EPS8L3: variants seen among roughly 807,000 people sequenced by gnomAD.
EPS8L3 encodes EPS8 signaling adaptor L3.
Under a neutral mutation model 88.5 loss-of-function variants are expected in EPS8L3, and 80 were observed. The observed-to-expected ratio is 0.90, with a 90% confidence interval of 0.75 to 1.09. The LOEUF (loss-of-function observed/expected upper bound fraction) is 1.09. Ranked by LOEUF, EPS8L3 falls within the 50% of genes least tolerant of loss-of-function variation. EPS8L3 has a pLI of 0.00. For missense variants in EPS8L3, 721 were observed against 735.2 expected (o/e 0.98, Z 0.22); for synonymous variants, 286 against 291.0 (o/e 0.98, Z 0.18).
At chr1:109,761,595 A>G in intron 2 of EPS8L3, 36 bp from the exon 3 acceptor site, 2 of 1,612,244 alleles carry the variant, frequency 1.2e-6, no homozygotes, top group East Asian at 4.5e-5. Context: ...GGAGGTGGGC[A>G]GAAGAACGAG....
At chr1:109,762,624 GTACT>G (rs10554504) in intron 1 of EPS8L3, among the ~76,000 whole-genome samples, 30,715 of 152,050 alleles carry the variant, frequency 0.2, 3,555 homozygotes, top group Non-Finnish European at 0.26. Flanking sequence ...CCGTCCACTT[GTACT>G]TACTTGGCGC....
rs1369239544 is a variant in EPS8L3, at chr1:109,761,760, C to T, written c.-11G>A. ...GCTGGGCCTTGACATGTTGACGCTG[C>T]TGAGGACGGCTCCCTAGAACCCAAA... is the stretch of plus-strand genomic sequence containing the variant. On this transcript the variant is annotated 5_prime_UTR_variant, in exon 2 of 19. Transcript: ENST00000361965. 1 of 1,613,874 alleles carries T rather than the reference C, an allele frequency of 6.2e-7. No homozygotes were observed. The highest frequency in any genetic ancestry group is 2.2e-5 in the East Asian group (1 of 44,884).
rs748531717 is a variant in EPS8L3 at position 109,751,648 on chromosome 1, T to C, written c.1563+6A>G. On this transcript the variant is annotated splice_donor_region_variant and intron_variant, in intron 16 of 18. Transcript: ENST00000361965. ...AGGGCTCTGGATAGTCCAGGCTGGG[T>C]AGTACCCGAGAGGGTGACTGGCCCT... is the stretch of plus-strand genomic sequence containing the variant. 4.3e-6 allele frequency: 7 copies of C among 1,613,712 alleles called. No homozygotes were observed. The highest frequency in any genetic ancestry group is 5.9e-6 in the Non-Finnish European group (7 of 1,179,976).
chr1:109,751,884 C>T, intron 15 of EPS8L3, 102 bp from the exon 16 acceptor site: 4 of 1,572,974 alleles, frequency 2.5e-6, no homozygotes, highest in Middle Eastern at 1.7e-4. Context: ...CCTCCTTCTC[C>T]CTCTCTAGGC....
rs766290475 is a variant in EPS8L3 at position 109,759,711 on chromosome 1, G to A, written c.222C>T (p.Asp74=). ...CAATGTCCAGCAGCTGCAGCCAGCC[G>A]TCCCTGACCTGCAGGATCAAGTCTT... is the stretch of plus-strand genomic sequence containing the variant. ...WSQDLILQVR[D]GWLQLLDIET... is the part of the protein sequence containing the mutation. Residue 74 remains aspartate, a synonymous_variant, in exon 4 of 19, where the codon GAC becomes GAT. Coordinates refer to ENST00000361965, the MANE Select transcript of EPS8L3 (RefSeq NM_133181.4). The surrounding 1 kb of genome is among the most constrained non-coding windows in gnomAD (Gnocchi z 4.2). The A allele has an allele frequency of 8.6e-5, 138 of 1,613,818 alleles. No individual in the cohort carries two copies. Among genetic ancestry groups the A allele is most frequent in the Admixed American group, 4.2e-4 (25 of 59,988 alleles).
chr1:109,762,980 T>G (rs1651157692), intron 1 of EPS8L3, among the ~76,000 whole-genome samples: 2 of 152,264 alleles, frequency 1.3e-5, no homozygotes, highest in Admixed American at 1.3e-4. Context: ...GGGTCAAGGG[T>G]ATGTGTTATC....
chr1:109,758,753 C>T, intron 6 of EPS8L3, 90 bp from the exon 7 acceptor site: 1 of 1,455,944 alleles, frequency 6.9e-7, no homozygotes. Flanking sequence ...CCAGGGGCAC[C>T]ACCACCTCTC....
chr1:109,757,173 A>G lies in EPS8L3; in HGVS notation c.970-8T>C. On this transcript the variant is annotated splice_polypyrimidine_tract_variant and splice_region_variant and intron_variant, in intron 11 of 18. Coordinates refer to ENST00000361965, the MANE Select transcript of EPS8L3 (RefSeq NM_133181.4). ...AGGGCACCTGGCCAGGATCTAGGGGAGAGATGGAAGGTGTCAGGAAGCCTA... is the reference window on the plus strand; with the variant it reads ...AGGGCACCTGGCCAGGATCTAGGGGGGAGATGGAAGGTGTCAGGAAGCCTA... 1 of 1,601,450 alleles carries G rather than the reference A, an allele frequency of 6.2e-7. No homozygotes were observed. Among genetic ancestry groups the G allele is most frequent in the South Asian group, 1.1e-5 (1 of 89,434 alleles).
intron 14 of EPS8L3, 170 bp from the exon 15 acceptor site, chr1:109,752,363 A>C: frequency 1.5e-6 from 1 of 657,838 alleles, no homozygotes; most frequent in Non-Finnish European, 2.6e-6. Flanking sequence ...TGCAGGCAGG[A>C]GGGGTCTGAA....
At chr1:109,751,241 G>C in intron 17 of EPS8L3, 37 bp downstream of exon 17, 1 of 1,598,252 alleles carries the variant, frequency 6.3e-7, no homozygotes, top group Non-Finnish European at 8.6e-7. Flanking sequence ...CCTTTACAAA[G>C]TTTCTCCCTC....
Position 109,761,528 on chromosome 1 carries a change from G to A in EPS8L3, c.63C>T (p.Thr21=). ...TGTGCTGCAGGAGGGTGGGCTCTGA[G>A]GTGAGGTTCTGGGAGTACTCCTTCC... ...LHRKEYSQNL[T]SEPTLLQHRV... is the part of the protein sequence containing the mutation. Residue 21 remains threonine (T), a synonymous_variant, in exon 3 of 19, where the codon ACC becomes ACT. Coordinates refer to ENST00000361965, the MANE Select transcript of EPS8L3 (RefSeq NM_133181.4). The A allele has an allele frequency of 6.2e-7, 1 of 1,613,664 alleles. No individual in the cohort carries two copies.
chr1:109,756,382 G>A (rs1472226263), intron 12 of EPS8L3, among the ~76,000 whole-genome samples: 2 of 152,198 alleles, frequency 1.3e-5, no homozygotes, highest in East Asian at 1.9e-4. Flanking sequence ...GGGTTTACAG[G>A]CATGCACCAC....
chr1:109,761,591 G>A (rs771408631), intron 2 of EPS8L3, 32 bp from the exon 3 acceptor site: 4 of 1,612,340 alleles, frequency 2.5e-6, no homozygotes, highest in South Asian at 1.1e-5. Flanking sequence ...GGCGGGAGGT[G>A]GGCAGAAGAA....
At chr1:109,761,895 T>G in intron 1 of EPS8L3, 122 bp from the exon 2 acceptor site, 1 of 805,084 alleles carries the variant, frequency 1.2e-6, no homozygotes, top group Non-Finnish European at 2.0e-6. Flanking sequence ...CCAAAGCCCC[T>G]GGCTCCAGGG....
Position 109,758,008 on chromosome 1 carries a change from C to T in EPS8L3, c.768G>A (p.Leu256=). Residue 256 remains leucine, a synonymous_variant, in exon 9 of 19, where the codon CTG becomes CTA. Coordinates refer to ENST00000361965, the MANE Select transcript of EPS8L3 (RefSeq NM_133181.4). ...LRDIELFMGK[L]EKAQAKTSRK... ...TGCTGGTCTTTGCCTGGGCCTTCTC[C>T]AGCTTTCCCATGAACAGCTCAATGT... 1 of 1,614,184 alleles carries T rather than the reference C, an allele frequency of 6.2e-7. No individual in the cohort carries two copies. The highest frequency in any genetic ancestry group is 1.3e-5 in the African/African-American group (1 of 75,050).
chr1:109,751,606 C>T (rs755742680), intron 16 of EPS8L3, 48 bp downstream of exon 16: 17 of 1,612,610 alleles, frequency 1.1e-5, no homozygotes, highest in Non-Finnish European at 1.4e-5. Context: ...CCCACCCCGA[C>T]CTCCAACTCA....
chr1:109,758,982 C>T (rs1650598380), intron 6 of EPS8L3, 80 bp downstream of exon 6: 3 of 1,440,078 alleles, frequency 2.1e-6, no homozygotes, highest in African/African-American at 1.4e-5. Flanking sequence ...CTCCTGGGTG[C>T]CCCAAGATAT....
In EPS8L3 at chr1:109,757,851, G is replaced by A. The variant is rs766119502; in HGVS notation, c.845C>T (p.Ala282Val). ...KNKDQGGLTQ[A>V]QYIDCFQKIK... is the part of the protein sequence containing the mutation. ...CTTCTGGAAGCAGTCAATGTACTGT[G>A]CCTGGGTGAGACCTGGGAGAAGGGG... The change falls in exon 10 of 19, where the codon GCA becomes GTA. Residue 282 changes from alanine (A) to valine (V), a missense_variant. Coordinates refer to ENST00000361965, the MANE Select transcript of EPS8L3 (RefSeq NM_133181.4). 39 of 1,614,042 alleles carry A rather than the reference G, an allele frequency of 2.4e-5. No homozygotes were observed. In the Admixed American group the frequency reaches 6.3e-4, roughly 26 times the overall value.
chr1:109,761,511 A>AG lies in EPS8L3; in HGVS notation c.79dup (p.Leu27ProfsTer57). The AG allele has an allele frequency of 6.2e-7, 1 of 1,613,104 alleles. No homozygotes were observed. Among genetic ancestry groups the AG allele is most frequent in the South Asian group, 1.1e-5 (1 of 91,004 alleles). On this transcript the variant is annotated frameshift_variant, in exon 3 of 19. Coordinates refer to ENST00000361965, the MANE Select transcript of EPS8L3 (RefSeq NM_133181.4). LOFTEE classifies it high-confidence loss of function. ...GGTACTCACCTCCACCCTGTGCTGC[A>AG]GGAGGGTGGGCTCTGAGGTGAGGTT... is the stretch of plus-strand genomic sequence containing the variant.
Sources: gnomAD v4.1 joint callset for allele counts (sites outside exome capture counted in the v4.1 genomes callset) on GRCh38, gnomAD v4.1.1 for gene constraint, Gnocchi (gnomAD v3.1) non-coding constraint, MANE v1.5 for transcripts, NCBI Gene and HGNC (gene_info 2026-07-23, HGNC 2026-07-21) for gene names.